Variants in GAS2L3 observed in about 807,000 individuals in gnomAD.
GAS2L3 encodes growth arrest specific 2 like 3.
GAS2L3 carries 28 observed loss-of-function variants against 37.0 expected under a neutral mutation model. The observed-to-expected ratio is 0.76, with a 90% CI of 0.56 to 1.04. The LOEUF (loss-of-function observed/expected upper bound fraction) is 1.04. Ranked by LOEUF, GAS2L3 falls within the 50% of genes least tolerant of loss-of-function variation. The pLI is 0.00. For missense variants in GAS2L3, 793 were observed against 817.6 expected (o/e 0.97, Z 0.37); for synonymous variants, 290 against 296.6 (o/e 0.98, Z 0.23).
chr12:100,612,348 C>A, intron 6 of GAS2L3: 1 of 479,320 alleles, frequency 2.1e-6, no homozygotes. Context: ...TTTTATGTGT[C>A]TAGAATGTCC....
intron 8 of GAS2L3, among the ~76,000 whole-genome samples, chr12:100,621,876 G>GA (rs1565813876): frequency 2.0e-4 from 23 of 117,466 alleles, no homozygotes; most frequent in African/African-American, 7.4e-4. Context: ...AGGGAGGGTG[G>GA]GGGGGGGAGA....
At chr12:100,594,596 A>G (rs1387794256) in intron 2 of GAS2L3, among the ~76,000 whole-genome samples, 1 of 151,918 alleles carries the variant, frequency 6.6e-6, no homozygotes, top group Admixed American at 6.6e-5. Flanking sequence ...TTTTTTTTCA[A>G]AACTGTCCAG....
intron 5 of GAS2L3, among the ~76,000 whole-genome samples, chr12:100,605,499 T>C (rs560530539): frequency 6.6e-6 from 1 of 152,048 alleles, no homozygotes; most frequent in Non-Finnish European, 1.5e-5. Context: ...ATTTATTTCT[T>C]CTGATTTTCA....
At chr12:100,621,211 A>G (rs1035494881) in intron 8 of GAS2L3, among the ~76,000 whole-genome samples, 1 of 152,106 alleles carries the variant, frequency 6.6e-6, no homozygotes, top group Non-Finnish European at 1.5e-5. Flanking sequence ...TCGTTTTGAT[A>G]AATTTTGTGT....
chr12:100,628,208 A>G lies in GAS2L3; in HGVS notation c.*3318A>G, dbSNP rs1187594369. On this transcript the variant is annotated 3_prime_UTR_variant, in exon 10 of 10. Transcript: ENST00000547754. Reference sequence around the variant, plus strand: ...ACCCCATTTGAATCCAAATTTGTGTATATTTTCTTATGCCAGCAGTATTTG... The same window carrying G: ...ACCCCATTTGAATCCAAATTTGTGTGTATTTTCTTATGCCAGCAGTATTTG... 1.3e-5 allele frequency: 2 copies of G among 152,186 alleles called. No individual in the cohort carries two copies. Among genetic ancestry groups the G allele is most frequent in the African/African-American group, 2.4e-5 (1 of 41,448 alleles). 9.4% of individuals were successfully genotyped at this position (152,186 alleles called of 1,614,324 possible). A position where few individuals can be genotyped will look rare whatever the true frequency, so the allele number is the denominator to read the frequency against.
chr12:100,615,570 T>G (rs952533823), intron 6 of GAS2L3, among the ~76,000 whole-genome samples: 2 of 152,202 alleles, frequency 1.3e-5, no homozygotes, highest in African/African-American at 4.8e-5. Context: ...CATTGCCTAA[T>G]TAAAGTCATA....
At chr12:100,583,265 CT>C (rs1177102061) in intron 1 of GAS2L3, among the ~76,000 whole-genome samples, 3 of 152,226 alleles carry the variant, frequency 2.0e-5, no homozygotes, top group Non-Finnish European at 4.4e-5. Context: ...GTCCCATTTG[CT>C]TTGTAAGGTC....
At chr12:100,619,151 C>G (rs1478632822) in intron 8 of GAS2L3, among the ~76,000 whole-genome samples, 1 of 151,326 alleles carries the variant, frequency 6.6e-6, no homozygotes, top group Non-Finnish European at 1.5e-5. Context: ...TATATTGATC[C>G]TTGCAGAATA....
At chr12:100,579,949 TGGAATCTGTG>T in intron 1 of GAS2L3, 1 of 787,306 alleles carries the variant, frequency 1.3e-6, no homozygotes, top group Non-Finnish European at 2.3e-6. Flanking sequence ...CAAGTATCAG[TGGAATCTGTG>T]TTGCCAATGG....
At chr12:100,617,121 G>C (rs753020250) in intron 6 of GAS2L3, among the ~76,000 whole-genome samples, 3 of 151,460 alleles carry the variant, frequency 2.0e-5, no homozygotes, top group Non-Finnish European at 4.4e-5. Flanking sequence ...ATATTGCATT[G>C]GGTTGATTTT....
intron 5 of GAS2L3, among the ~76,000 whole-genome samples, chr12:100,610,008 C>A (rs934551865): frequency 6.6e-6 from 1 of 152,180 alleles, no homozygotes; most frequent in Non-Finnish European, 1.5e-5. Context: ...CCAGATTGCT[C>A]ATTTGATTTT....
intron 5 of GAS2L3, among the ~76,000 whole-genome samples, chr12:100,605,377 G>A (rs189291501): frequency 6.3e-4 from 96 of 151,536 alleles, no homozygotes; most frequent in Admixed American, 1.4e-3. Context: ...TTTTATTTGG[G>A]TCTTCTCTCT....
rs367939035 is a variant in GAS2L3, at chr12:100,624,130, C to T, written c.1325C>T (p.Pro442Leu). Residue 442 changes from proline (P) to leucine (L), a missense_variant, in exon 10 of 10, where the codon CCC (proline) becomes CTC (leucine). Transcript: ENST00000547754. ...AAATGTATTTCATCCCCCAATACCC[C>T]CAAGGCCAAGGTTATTCCAGCCCAG... ...PRKCISSPNT[P>L]KAKVIPAQNS... 1.9e-6 allele frequency: 3 copies of T among 1,613,780 alleles called. No individual in the cohort carries two copies. Among genetic ancestry groups the T allele is most frequent in the South Asian group, 2.2e-5 (2 of 91,024 alleles).
intron 1 of GAS2L3, among the ~76,000 whole-genome samples, chr12:100,581,855 T>C (rs1955716818): frequency 6.6e-6 from 1 of 152,260 alleles, no homozygotes; most frequent in Non-Finnish European, 1.5e-5. Context: ...TTAAAAATTG[T>C]CATTTAATTC....
intron 5 of GAS2L3, among the ~76,000 whole-genome samples, chr12:100,608,615 G>A (rs1327771387): frequency 1.3e-5 from 2 of 152,026 alleles, no homozygotes; most frequent in African/African-American, 4.8e-5. Flanking sequence ...TCTGCCTCCC[G>A]GGTTCACGCC....
chr12:100,586,295 A>G (rs1012530620), intron 1 of GAS2L3, among the ~76,000 whole-genome samples: 2 of 152,234 alleles, frequency 1.3e-5, no homozygotes, highest in African/African-American at 4.8e-5. Context: ...TCAACAGCGC[A>G]TGGAACTTTC....
intron 5 of GAS2L3, among the ~76,000 whole-genome samples, chr12:100,611,568 G>A (rs1956127056): frequency 6.6e-6 from 1 of 152,068 alleles, no homozygotes; most frequent in Admixed American, 6.6e-5. Flanking sequence ...CCACAGATTT[G>A]GGCGGGGGTG....
intron 3 of GAS2L3, among the ~76,000 whole-genome samples, chr12:100,599,688 T>C (rs1191259977): frequency 1.3e-5 from 2 of 152,230 alleles, no homozygotes; most frequent in Non-Finnish European, 2.9e-5. Flanking sequence ...CAAATGTTTA[T>C]TGAGTCTCTG....
At chr12:100,616,460 G>T (rs1956188714) in intron 6 of GAS2L3, among the ~76,000 whole-genome samples, 1 of 151,520 alleles carries the variant, frequency 6.6e-6, no homozygotes, top group African/African-American at 2.4e-5. Context: ...TTTGAGACAG[G>T]GTCTCACTCT....
Sources: allele counts gnomAD v4.1 joint callset (sites outside exome capture counted in the v4.1 genomes callset), GRCh38; gene constraint gnomAD v4.1.1; transcripts MANE v1.5; gene names NCBI Gene and HGNC (gene_info 2026-07-23, HGNC 2026-07-21).